The following DNAH11 variants were observed in gnomAD, a reference collection of about 807,000 sequenced individuals.
DNAH11 encodes the protein axonemal beta dynein heavy chain 11.
A neutral mutation model predicts 526.0 loss-of-function variants in DNAH11; 442 were observed. The observed-to-expected ratio is 0.84, with a 90% CI of 0.78 to 0.91. The LOEUF is 0.91. Among genes scored for constraint, DNAH11 ranks in the 40% least tolerant of loss-of-function variants. The pLI is 0.00. For synonymous variants in DNAH11, 2,461 were observed against 1,935.9 expected (o/e 1.27, Z -7.12); for missense variants, 6,989 against 5,448.7 (o/e 1.28, Z -8.90).
At chr7:21,827,043 TC>T (rs1285423220) in intron 65 of DNAH11, among the ~76,000 whole-genome samples, 1 of 152,208 alleles carries the variant, frequency 6.6e-6, no homozygotes, top group Non-Finnish European at 1.5e-5. Flanking sequence ...GTCTGACAGC[TC>T]CCTGTGGACC....
At chr7:21,686,031 A>T (rs1280278769) in intron 32 of DNAH11, among the ~76,000 whole-genome samples, 1 of 152,190 alleles carries the variant, frequency 6.6e-6, no homozygotes, top group African/African-American at 2.4e-5. Context: ...CTCTACTACA[A>T]AAAGTACTCT....
At chr7:21,548,495 A>G (rs1186853422) in intron 2 of DNAH11, among the ~76,000 whole-genome samples, 1 of 152,198 alleles carries the variant, frequency 6.6e-6, no homozygotes, top group Non-Finnish European at 1.5e-5. Flanking sequence ...TACGGAGTTA[A>G]CATATATATT....
intron 35 of DNAH11, among the ~76,000 whole-genome samples, chr7:21,695,371 G>A (rs1783805363): frequency 6.6e-6 from 1 of 152,190 alleles, no homozygotes; most frequent in African/African-American, 2.4e-5. Context: ...ATCCAAAACA[G>A]CATGGTACTG....
At chr7:21,576,896 CTA>C (rs1217441285) in intron 8 of DNAH11, among the ~76,000 whole-genome samples, 11 of 152,010 alleles carry the variant, frequency 7.2e-5, no homozygotes, top group Non-Finnish European at 8.8e-5. Context: ...AGAAATGTGT[CTA>C]TGTGTGTTAC....
intron 28 of DNAH11, among the ~76,000 whole-genome samples, chr7:21,646,832 C>T (rs1787374719): frequency 6.6e-6 from 1 of 152,074 alleles, no homozygotes; most frequent in South Asian, 2.1e-4. Flanking sequence ...AAACCTTTTC[C>T]AAGTAATTTA....
intron 35 of DNAH11, among the ~76,000 whole-genome samples, chr7:21,694,256 T>A (rs1403175193): frequency 6.6e-6 from 1 of 152,192 alleles, no homozygotes; most frequent in Non-Finnish European, 1.5e-5. Context: ...TAGGTATACA[T>A]GTGCAATGGT....
chr7:21,656,009 G>A, intron 29 of DNAH11, 28 bp downstream of exon 29: 1 of 1,549,976 alleles, frequency 6.5e-7, no homozygotes, highest in South Asian at 1.3e-5. Context: ...GGTTTTCTAT[G>A]CTAGGGGAGT....
intron 30 of DNAH11, among the ~76,000 whole-genome samples, chr7:21,670,057 G>A (rs1782583983): frequency 1.3e-5 from 2 of 151,928 alleles, no homozygotes; most frequent in Admixed American, 6.6e-5. Flanking sequence ...TTGTTTATTT[G>A]TACAAACCTA....
chr7:21,543,333 G>T lies in DNAH11; in HGVS notation c.88G>T (p.Val30Leu). 1 of 1,550,956 alleles carries T rather than the reference G, an allele frequency of 6.4e-7. No homozygotes were observed. The highest frequency in any genetic ancestry group is 1.2e-5 in the South Asian group (1 of 84,032). The change falls in exon 1 of 82, where the codon GTG becomes TTG. Residue 30 changes from valine to leucine, a missense_variant. Physicochemically the swap from Val to Leu is conservative, Grantham distance 32 (BLOSUM62 1). Coordinates refer to ENST00000409508, the MANE Select transcript of DNAH11 (RefSeq NM_001277115.2). The part of the protein sequence containing the change: ...RLTSGAGLEA[V>L]GAVELEEEEE... ...AACCTCGGGGGCCGGCCTGGAGGCAGTGGGCGCTGTGGAGCTCGAGGAGGA... is the reference window on the plus strand; with the variant it reads ...AACCTCGGGGGCCGGCCTGGAGGCATTGGGCGCTGTGGAGCTCGAGGAGGA...
At chr7:21,718,583 T>C (rs562754901) in intron 43 of DNAH11, among the ~76,000 whole-genome samples, 47 of 152,260 alleles carry the variant, frequency 3.1e-4, no homozygotes, top group African/African-American at 1.1e-3. Flanking sequence ...GGGTTACACA[T>C]AATATGTTGT....
chr7:21,880,730 A>T lies in DNAH11; in HGVS notation c.12224A>T (p.Gln4075Leu), dbSNP rs765032073. 1 of 1,613,974 alleles carries T rather than the reference A, an allele frequency of 6.2e-7. No homozygotes were observed. Among genetic ancestry groups the T allele is most frequent in the Non-Finnish European group, 8.5e-7 (1 of 1,179,896 alleles). The change falls in exon 75 of 82, where the codon CAG becomes CTG. Residue 4075 changes from glutamine (Q) to leucine (L), a missense_variant. Gln to Leu is a moderately radical substitution (Grantham distance 113, BLOSUM62 -2). Transcript: ENST00000409508. ...QDTLEICSKE[Q>L]EFKSILFSLC... ...ACACTTGAAATATGCTCCAAGGAGCAGGAGTTTAAAAGCATCCTTTTTTCT... is the reference window on the plus strand; with the variant it reads ...ACACTTGAAATATGCTCCAAGGAGCTGGAGTTTAAAAGCATCCTTTTTTCT...
chr7:21,570,529 G>T, intron 7 of DNAH11: 1 of 383,792 alleles, frequency 2.6e-6, no homozygotes, highest in Non-Finnish European at 4.6e-6. Context: ...ATTACATTGA[G>T]TATAAGTAAA....
At chr7:21,607,116 C>T (rs569149130) in intron 20 of DNAH11, among the ~76,000 whole-genome samples, 10 of 152,270 alleles carry the variant, frequency 6.6e-5, no homozygotes, top group Admixed American at 5.9e-4. Context: ...GCCAGCATTG[C>T]GGCCTTGAGT....
chr7:21,874,400 A>G (rs1187526704), intron 74 of DNAH11, among the ~76,000 whole-genome samples: 1 of 151,616 alleles, frequency 6.6e-6, no homozygotes, highest in Non-Finnish European at 1.5e-5. Flanking sequence ...CAATGACATG[A>G]TCTTGGCTCA....
intron 6 of DNAH11, among the ~76,000 whole-genome samples, chr7:21,566,560 G>A (rs935642418): frequency 2.7e-5 from 4 of 150,830 alleles, no homozygotes; most frequent in Non-Finnish European, 4.4e-5. Flanking sequence ...CACCCTCATA[G>A]CAACACTATG....
Position 21,643,246 on chromosome 7 carries a change from AAAT to A in DNAH11, c.4944+4186_4944+4188del, listed in dbSNP as rs1787202109. Among the ~76,000 whole-genome samples the A allele has an allele frequency of 2.0e-5, 3 of 152,196 alleles. No individual in the cohort carries two copies. The South Asian group carries it at 6.2e-4, about 31-fold the overall frequency. ...CTAGTATAGTTGTTAAAGTCAGACA[AAAT>A]AATATCAGTTTACCCTTTTGCACCC... On this transcript the variant is annotated intron_variant, in intron 28 of 81. Coordinates refer to ENST00000409508, the MANE Select transcript of DNAH11 (RefSeq NM_001277115.2).
At chr7:21,637,929 T>C (rs1258504820) in intron 27 of DNAH11, among the ~76,000 whole-genome samples, 1 of 152,210 alleles carries the variant, frequency 6.6e-6, no homozygotes, top group Non-Finnish European at 1.5e-5. Context: ...AGGAGTATTA[T>C]ACTAGTAAAA....
intron 18 of DNAH11, among the ~76,000 whole-genome samples, chr7:21,604,013 C>T (rs144731728): frequency 5.9e-5 from 9 of 152,170 alleles, no homozygotes; most frequent in Admixed American, 3.9e-4. Flanking sequence ...GATTCATAGG[C>T]GGTATGTGGT....
At chr7:21,792,358 C>G (rs921028255) in intron 61 of DNAH11, among the ~76,000 whole-genome samples, 1 of 152,178 alleles carries the variant, frequency 6.6e-6, no homozygotes, top group African/African-American at 2.4e-5. Context: ...ATCTGAGATA[C>G]TGACTGTAGT....
Sources: allele counts gnomAD v4.1 joint callset (sites outside exome capture counted in the v4.1 genomes callset), GRCh38; gene constraint gnomAD v4.1.1; transcripts MANE v1.5; gene names NCBI Gene and HGNC (gene_info 2026-07-23, HGNC 2026-07-21).